Variants in ZBTB21 observed in about 807,000 individuals in gnomAD.
ZBTB21 encodes the protein zinc finger and BTB domain containing 21, also known as zinc finger and BTB domain-containing protein 21.
In ZBTB21, 10 loss-of-function variants were observed where a neutral mutation model predicts 39.8. The ratio of observed to expected loss-of-function variants is 0.25; its 90% CI spans 0.16 to 0.43. ZBTB21 has a LOEUF of 0.43. ZBTB21 is among the 20% of genes least tolerant of loss of function. ZBTB21 has a pLI of 1.00. For missense variants in ZBTB21, 1,221 were observed against 1,296.3 expected, an observed-to-expected ratio of 0.94 and a Z score of 0.89; for synonymous variants, 551 against 498.8, an observed-to-expected ratio of 1.10 and a Z score of -1.40.
In ZBTB21 at chr21:41,992,406, G is replaced by C. The variant is rs775215972; in HGVS notation, c.1690C>G (p.His564Asp). The change falls in exon 3 of 3, where the codon CAT (histidine) becomes GAT (aspartate). Residue 564 changes from histidine to aspartate, a missense_variant. Physicochemically the swap from His to Asp is moderately conservative, Grantham distance 81 (BLOSUM62 -1). Around this residue, in one of 4 missense-constraint regions of ZBTB21, gnomAD observed 90 missense variants for 133.1 expected, o/e 0.68. Coordinates refer to ENST00000310826, the MANE Select transcript of ZBTB21 (RefSeq NM_001098402.2). The surrounding 1 kb of genome is among the most constrained non-coding windows in gnomAD (Gnocchi z 4.1). ...IFRSTAGLHR[H>D]VNMYHNPEKP... ...TCTGGGTTATGGTACATGTTAACAT[G>C]ACGGTGAAGACCTGCTGTTGATCTA... The C allele has an allele frequency of 1.2e-6, 2 of 1,614,184 alleles. No individual in the cohort carries two copies. Among genetic ancestry groups the C allele is most frequent in the Non-Finnish European group, 1.7e-6 (2 of 1,180,036 alleles).
chr21:41,987,416 T>TA lies in ZBTB21; in HGVS notation c.*3478dup, dbSNP rs1438499378. 3.3e-5 allele frequency: 5 copies of TA among 152,334 alleles called. No homozygotes were observed. In the East Asian group the frequency reaches 5.8e-4, roughly 18 times the overall value. 9.4% of individuals were successfully genotyped at this position (152,334 alleles called of 1,614,324 possible). ...AAAAATTACAAAAAATTAAACTTCT[T>TA]AAAGTGCTAAAACCACAAAAAGCCA... On this transcript the variant is annotated 3_prime_UTR_variant, in exon 3 of 3. Coordinates refer to ENST00000310826, the MANE Select transcript of ZBTB21 (RefSeq NM_001098402.2).
In ZBTB21 at chr21:42,008,457, G is replaced by A. The variant is rs548883622; in HGVS notation, c.-79+1795C>T. 1.7e-4 allele frequency among the ~76,000 whole-genome samples: 25 copies of A among 144,410 alleles called. 1 individual carries two copies. In the South Asian group the frequency reaches 5.4e-3, roughly 31 times the overall value. 94.7% of individuals were successfully genotyped at this position (144,410 alleles called of 152,430 possible). ...CGCTTGAACCAGGGAGGCGGAGGTT[G>A]CAAAACCAGGGAGGCGGAGGTTGCA... On this transcript the variant is annotated intron_variant, in intron 1 of 2. Transcript: ENST00000310826.
intron 1 of ZBTB21, among the ~76,000 whole-genome samples, chr21:42,007,403 CAT>C (rs2146347725): frequency 6.6e-6 from 1 of 152,304 alleles, no homozygotes; most frequent in South Asian, 2.1e-4. Context: ...CAAGACTTTT[CAT>C]ACTCTGGTTA....
rs147026959 is a variant in ZBTB21 at position 41,993,680 on chromosome 21, T to C, written c.416A>G (p.Asp139Gly). 6.2e-6 allele frequency: 10 copies of C among 1,614,018 alleles called. No individual in the cohort carries two copies. The African/African-American group carries it at 8.0e-5, about 13-fold the overall frequency. ...TCTCTTTTGAGAACTGTTTTCATCA[T>C]CTTCTACAAACACTTTTTTTCTATT... Reference protein sequence around the residue: ...CPNRKKVFVEDDENSSQKRSV... With the variant: ...CPNRKKVFVEGDENSSQKRSV... Residue 139 changes from aspartate to glycine, a missense_variant, in exon 3 of 3, where the codon GAT becomes GGT. By Grantham distance (94) the Asp-to-Gly change is moderately conservative (BLOSUM62 -1). Around this residue, in one of 4 missense-constraint regions of ZBTB21, gnomAD observed 500 missense variants for 465.6 expected, o/e 1.07. Transcript: ENST00000310826.
rs1220122194 is a variant in ZBTB21 at position 41,992,866 on chromosome 21, A to G, written c.1230T>C (p.Phe410=). 1 of 1,614,070 alleles carries G rather than the reference A, an allele frequency of 6.2e-7. No individual in the cohort carries two copies. Among genetic ancestry groups the G allele is most frequent in the Non-Finnish European group, 8.5e-7 (1 of 1,180,048 alleles). Residue 410 remains phenylalanine, a synonymous_variant, in exon 3 of 3, where the codon TTT becomes TTC. Transcript: ENST00000310826. This position sits in a 1 kb window ranked among gnomAD's most constrained non-coding sequence, Gnocchi z 4.1. The stretch of plus-strand genomic sequence containing the variant: ...CCCTGTCTGTTGACTGAGAAGCACT[A>G]AAGGACCTGAGGCGATGCGGTTGTA... ...QVLQPHRLRS[F]SASQSTDREG...
intron 2 of ZBTB21, among the ~76,000 whole-genome samples, chr21:42,002,165 CA>C (rs771851094): frequency 6.6e-6 from 1 of 152,180 alleles, no homozygotes; most frequent in African/African-American, 2.4e-5. Flanking sequence ...AGATAGGAGA[CA>C]GGGGTAGCTA....
intron 1 of ZBTB21, among the ~76,000 whole-genome samples, chr21:42,005,960 A>AC (rs762733666): frequency 6.6e-6 from 1 of 152,234 alleles, no homozygotes; most frequent in Non-Finnish European, 1.5e-5. Context: ...GTCAGAAAAT[A>AC]CCTTGATGGA....
At chr21:41,995,955 A>G (rs2065740897) in intron 2 of ZBTB21, among the ~76,000 whole-genome samples, 1 of 152,224 alleles carries the variant, frequency 6.6e-6, no homozygotes, top group South Asian at 2.1e-4. Context: ...GTGCAGAAGT[A>G]AAGAACTGAG....
intron 1 of ZBTB21, among the ~76,000 whole-genome samples, chr21:42,006,894 A>C (rs148236095): frequency 1.2e-3 from 183 of 152,344 alleles, no homozygotes; most frequent in Non-Finnish European, 2.1e-3. Context: ...GATGCCATCT[A>C]TAAGCCAAAG....
In ZBTB21 at chr21:41,991,179, C is replaced by G. The variant is rs546838794; in HGVS notation, c.2917G>C (p.Glu973Gln). 6 of 1,614,102 alleles carry G rather than the reference C, an allele frequency of 3.7e-6. No individual in the cohort carries two copies. In the East Asian group the frequency reaches 6.7e-5, roughly 18 times the overall value. The change falls in exon 3 of 3, where the codon GAG becomes CAG. Residue 973 changes from glutamate to glutamine, a missense_variant. By Grantham distance (29) the Glu-to-Gln change is conservative (BLOSUM62 2). Transcript: ENST00000310826. This position sits in a 1 kb window ranked among gnomAD's most constrained non-coding sequence, Gnocchi z 4.9. ...GAGTTTGTGGGAACAGGGCACACCT[C>G]AGATTCCTTATGTGCCGATTCCTCT... is the stretch of plus-strand genomic sequence containing the variant. ...ASEESAHKES[E>Q]VCPVPTNSPS...
chr21:41,989,816 T>C lies in ZBTB21; in HGVS notation c.*1079A>G, dbSNP rs963014288. ...ATGTATATGTCGTATATATTGTTCT[T>C]GGAAAGCATGTTGAAACTGCAGTGA... On this transcript the variant is annotated 3_prime_UTR_variant, in exon 3 of 3. Transcript: ENST00000310826. 6.6e-6 allele frequency: 1 copy of C among 152,204 alleles called. No homozygotes were observed. Among genetic ancestry groups the C allele is most frequent in the African/African-American group, 2.4e-5 (1 of 41,458 alleles). 9.4% of individuals were successfully genotyped at this position (152,204 alleles called of 1,614,324 possible). A position where few individuals can be genotyped will look rare whatever the true frequency, so the allele number is the denominator to read the frequency against.
At chr21:41,995,472 T>C (rs1275860166) in intron 2 of ZBTB21, among the ~76,000 whole-genome samples, 2 of 152,240 alleles carry the variant, frequency 1.3e-5, no homozygotes. Context: ...TTAGGGTATC[T>C]GGCAGAAGGA....
At position 41,990,903 on chromosome 21, in the gene ZBTB21, GTGTT is replaced by G; in HGVS notation, c.3189_3192del (p.Gln1063HisfsTer33). ...TAAAAAGTGTTGGTCTTTCAATTGT[GTGTT>G]TGTTCGTGACTCCAAAGACTAAATG... On this transcript the variant is annotated frameshift_variant, in exon 3 of 3. Coordinates refer to ENST00000310826, the MANE Select transcript of ZBTB21 (RefSeq NM_001098402.2). LOFTEE classifies it high-confidence loss of function. 1 of 1,470,130 alleles carries G rather than the reference GTGTT, an allele frequency of 6.8e-7. No individual in the cohort carries two copies. The highest frequency in any genetic ancestry group is 9.0e-7 in the Non-Finnish European group (1 of 1,111,824). 91.1% of individuals were successfully genotyped at this position (1,470,130 alleles called of 1,614,324 possible).
chr21:41,993,208 G>A lies in ZBTB21; in HGVS notation c.888C>T (p.Asn296=), dbSNP rs2065694265. The A allele has an allele frequency of 6.2e-7, 1 of 1,612,578 alleles. No individual in the cohort carries two copies. Among genetic ancestry groups the A allele is most frequent in the Non-Finnish European group, 8.5e-7 (1 of 1,180,020 alleles). Residue 296 remains asparagine, a synonymous_variant, in exon 3 of 3, where the codon AAC becomes AAT. Transcript: ENST00000310826. ...SETPYLLKET[N]KGNGQGEDRN... is the part of the protein sequence containing the mutation. ...TATCTTCACCTTGACCATTTCCTTT[G>A]TTAGTTTCTTTTAATAGATAGGGAG...
At chr21:42,006,443 A>T (rs2065879670) in intron 1 of ZBTB21, among the ~76,000 whole-genome samples, 2 of 149,978 alleles carry the variant, frequency 1.3e-5, no homozygotes, top group Admixed American at 1.3e-4. Context: ...AAAAAAAAAA[A>T]ATTTTTTTTT....
chr21:41,991,911 C>T lies in ZBTB21; in HGVS notation c.2185G>A (p.Ala729Thr), dbSNP rs1269950227. Residue 729 changes from alanine (A) to threonine (T), a missense_variant, in exon 3 of 3, where the codon GCT becomes ACT. Around this residue, in one of 4 missense-constraint regions of ZBTB21, gnomAD observed 523 missense variants for 542.5 expected, o/e 0.96. Transcript: ENST00000310826. The surrounding 1 kb of genome is among the most constrained non-coding windows in gnomAD (Gnocchi z 4.9). ...TGCTCTAGGAGAGAAGAGAGCTTAG[C>T]ATTACAGAGGCGGCACTGGTAAACC... is the stretch of plus-strand genomic sequence containing the variant. ...KEVYQCRLCN[A>T]KLSSLLEQGS... 1.9e-6 allele frequency: 3 copies of T among 1,614,044 alleles called. No individual in the cohort carries two copies. The highest frequency in any genetic ancestry group is 2.5e-6 in the Non-Finnish European group (3 of 1,180,048).
chr21:42,009,920 C>T (rs1351193312), intron 1 of ZBTB21, among the ~76,000 whole-genome samples: 1 of 152,174 alleles, frequency 6.6e-6, no homozygotes, highest in African/African-American at 2.4e-5. Flanking sequence ...CAGGCGTGTC[C>T]CCTACCCCAG....
At chr21:42,004,523 A>G (rs1434272268) in intron 1 of ZBTB21, among the ~76,000 whole-genome samples, 2 of 152,136 alleles carry the variant, frequency 1.3e-5, no homozygotes, top group African/African-American at 2.4e-5. Flanking sequence ...ACAGAGATGG[A>G]AAGGGATCAA....
Position 41,991,146 on chromosome 21 carries a change from G to C in ZBTB21, c.2950C>G (p.Pro984Ala). 1 of 1,614,184 alleles carries C rather than the reference G, an allele frequency of 6.2e-7. No individual in the cohort carries two copies. The highest frequency in any genetic ancestry group is 8.5e-7 in the Non-Finnish European group (1 of 1,180,012). ...VCPVPTNSPS[P>A]PPLPPPPPLP... ...GGTGGTGGCGGTGGCAGAGGTGGTG[G>C]AGAGGGAGAGTTTGTGGGAACAGGG... Residue 984 changes from proline to alanine, a missense_variant, in exon 3 of 3, where the codon CCA becomes GCA. Physicochemically the swap from Pro to Ala is conservative, Grantham distance 27. This residue lies in a region of ZBTB21 where 523 missense variants were observed against 542.5 expected (regional missense o/e 0.96). Transcript: ENST00000310826. This position sits in a 1 kb window ranked among gnomAD's most constrained non-coding sequence, Gnocchi z 4.9.
Sources: gnomAD v4.1 joint callset for allele counts (sites outside exome capture counted in the v4.1 genomes callset) on GRCh38, gnomAD v4.1.1 for gene constraint, gnomAD v4.1.1 regional missense constraint, Gnocchi (gnomAD v3.1) non-coding constraint, MANE v1.5 for transcripts, NCBI Gene and HGNC (gene_info 2026-07-23, HGNC 2026-07-21) for gene names.